The following CHRNA7 variants were observed in gnomAD, a reference collection of about 807,000 sequenced individuals.
CHRNA7 encodes the protein neuronal acetylcholine receptor subunit alpha-7.
Under a neutral mutation model 48.0 loss-of-function variants are expected in CHRNA7, and 17 were observed. That is an observed-to-expected ratio of 0.35 (90% CI 0.24 to 0.53). The LOEUF is 0.53. Among genes scored for constraint, CHRNA7 ranks in the 20% least tolerant of loss-of-function variants. The pLI, the probability that CHRNA7 is intolerant of heterozygous loss-of-function variation, is 0.92. For synonymous variants in CHRNA7, 75 were observed against 242.3 expected, an observed-to-expected ratio of 0.31 and a Z score of 6.41; for missense variants, 155 against 577.7, an observed-to-expected ratio of 0.27 and a Z score of 7.50.
At chr15:32,151,354 A>C (rs1156735277) in intron 4 of CHRNA7, among the ~76,000 whole-genome samples, 1 of 152,176 alleles carries the variant, frequency 6.6e-6, no homozygotes, top group Non-Finnish European at 1.5e-5. Flanking sequence ...TTAATCTAAA[A>C]GTGTATTCTT....
intron 2 of CHRNA7, among the ~76,000 whole-genome samples, chr15:32,082,269 G>A (rs1243785345): frequency 6.6e-6 from 1 of 151,714 alleles, no homozygotes; most frequent in African/African-American, 2.4e-5. Flanking sequence ...TGAAGTGTTG[G>A]TCATTATTCA....
At chr15:32,147,561 T>C (rs757829787) in intron 4 of CHRNA7, among the ~76,000 whole-genome samples, 8 of 152,014 alleles carry the variant, frequency 5.3e-5, no homozygotes, top group Non-Finnish European at 1.0e-4. Context: ...TCAAAATAAA[T>C]AAATAAACAA....
chr15:32,113,272 C>T (rs548292851), intron 4 of CHRNA7, among the ~76,000 whole-genome samples: 1 of 152,268 alleles, frequency 6.6e-6, no homozygotes, highest in South Asian at 2.1e-4. Flanking sequence ...TGTCCGTGCC[C>T]TAGTCTCCTC....
At chr15:32,038,092 A>G (rs1042287776) in intron 2 of CHRNA7, among the ~76,000 whole-genome samples, 1 of 147,030 alleles carries the variant, frequency 6.8e-6, no homozygotes, top group Non-Finnish European at 1.5e-5. Flanking sequence ...ATGTACATAC[A>G]TTTTGTGTAT....
intron 2 of CHRNA7, among the ~76,000 whole-genome samples, chr15:32,043,987 A>G (rs899462586): frequency 8.5e-5 from 13 of 152,190 alleles, no homozygotes; most frequent in African/African-American, 2.7e-4. Context: ...CATAGTGTCT[A>G]TAGTCGATTA....
chr15:32,034,474 G>A (rs1023276441), intron 2 of CHRNA7, among the ~76,000 whole-genome samples: 2 of 152,140 alleles, frequency 1.3e-5, no homozygotes, highest in Admixed American at 6.5e-5. Context: ...CCTTACAAGG[G>A]GGAGGCTATG....
chr15:32,034,187 A>C (rs1023988245), intron 2 of CHRNA7, among the ~76,000 whole-genome samples: 2 of 152,210 alleles, frequency 1.3e-5, no homozygotes, highest in Non-Finnish European at 1.5e-5. Flanking sequence ...TGGTGGTTAG[A>C]GTTCTAAAGA....
At chr15:32,152,155 G>A (rs938530204) in intron 4 of CHRNA7, among the ~76,000 whole-genome samples, 8 of 152,204 alleles carry the variant, frequency 5.3e-5, no homozygotes, top group Non-Finnish European at 8.8e-5. Context: ...CTTAGAAGCA[G>A]AAGGACAGGC....
intron 4 of CHRNA7, among the ~76,000 whole-genome samples, chr15:32,118,331 A>G (rs2050908691): frequency 6.6e-6 from 1 of 152,248 alleles, no homozygotes; most frequent in Non-Finnish European, 1.5e-5. Context: ...GCATCCTGTT[A>G]TAAGCAACAG....
At chr15:32,112,497 C>A in intron 4 of CHRNA7, 1 of 363,694 alleles carries the variant, frequency 2.7e-6, no homozygotes, top group South Asian at 2.1e-5. Context: ...GTCTGACTTG[C>A]AGACCAGATG....
At chr15:32,042,161 G>A (rs2049460839) in intron 2 of CHRNA7, among the ~76,000 whole-genome samples, 1 of 152,166 alleles carries the variant, frequency 6.6e-6, no homozygotes, top group Non-Finnish European at 1.5e-5. Flanking sequence ...GGAGGGAGGG[G>A]AAGCATTCTA....
chr15:32,104,529 T>C (rs2050629033), intron 3 of CHRNA7, among the ~76,000 whole-genome samples: 1 of 152,206 alleles, frequency 6.6e-6, no homozygotes. Context: ...CGTCTATCTG[T>C]TCATTGGTTC....
At chr15:32,047,543 G>A (rs1249385288) in intron 2 of CHRNA7, among the ~76,000 whole-genome samples, 2 of 152,180 alleles carry the variant, frequency 1.3e-5, no homozygotes, top group Non-Finnish European at 2.9e-5. Flanking sequence ...CTTTGCTGAA[G>A]TTGCTTATCA....
At chr15:32,080,045 TGG>T (rs2050192290) in intron 2 of CHRNA7, among the ~76,000 whole-genome samples, 1 of 152,050 alleles carries the variant, frequency 6.6e-6, no homozygotes, top group Admixed American at 6.6e-5. Context: ...AAACAAGCAA[TGG>T]GGAAAGGATT....
At chr15:32,064,340 C>G (rs531525322) in intron 2 of CHRNA7, among the ~76,000 whole-genome samples, 223 of 151,938 alleles carry the variant, frequency 1.5e-3, no homozygotes, top group African/African-American at 5.1e-3. Context: ...CTTGCTTTTG[C>G]TTTTTATGGA....
intron 4 of CHRNA7, among the ~76,000 whole-genome samples, chr15:32,115,246 G>T (rs533804954): frequency 4.6e-5 from 7 of 152,208 alleles, no homozygotes; most frequent in Non-Finnish European, 8.8e-5. Flanking sequence ...GAAGGAAAGC[G>T]GTGGAACTGC....
chr15:32,114,077 C>CGTATATATATATAT (rs2050822568), intron 4 of CHRNA7, among the ~76,000 whole-genome samples: 11 of 93,824 alleles, frequency 1.2e-4, no homozygotes, highest in Admixed American at 4.2e-4. Context: ...TATATATATA[C>CGTATATATATATAT]ACATACATAC....
chr15:32,137,699 TCTAAA>T (rs1483954572), intron 4 of CHRNA7, among the ~76,000 whole-genome samples: 2 of 152,218 alleles, frequency 1.3e-5, no homozygotes, highest in Admixed American at 1.3e-4. Flanking sequence ...AAACTGGATA[TCTAAA>T]TGTGAATAAA....
intron 2 of CHRNA7, among the ~76,000 whole-genome samples, chr15:32,044,253 C>CCCCTTCCTTCCTTCCTTCCT (rs1555373127): frequency 7.1e-6 from 1 of 140,918 alleles, no homozygotes; most frequent in Non-Finnish European, 1.5e-5. Context: ...CGATCTTTTC[C>CCCCTTCCTTCCTTCCTTCCT]TCCTTCCTTC....
Sources: gnomAD v4.1 joint callset for allele counts (sites outside exome capture counted in the v4.1 genomes callset) on GRCh38, gnomAD v4.1.1 for gene constraint, MANE v1.5 for transcripts, NCBI Gene and HGNC (gene_info 2026-07-23, HGNC 2026-07-21) for gene names.